Variants in CACNG2 observed in about 807,000 individuals in gnomAD.
The protein encoded by CACNG2 is calcium voltage-gated channel auxiliary subunit gamma 2.
Under a neutral mutation model 25.9 loss-of-function variants are expected in CACNG2, and 3 were observed. The observed-to-expected ratio is 0.12, with a 90% CI of 0.05 to 0.30. CACNG2 has a LOEUF of 0.30. CACNG2 is among the 10% of genes least tolerant of loss of function. The probability of loss-of-function intolerance (pLI) is 1.00; values close to 1 mark genes in which losing one functional copy is unlikely to be tolerated. For missense variants in CACNG2, 341 were observed against 432.5 expected (o/e 0.79, Z 1.88); for synonymous variants, 167 against 173.3 (o/e 0.96, Z 0.29).
chr22:36,656,000 G>A (rs1333198167), intron 1 of CACNG2, among the ~76,000 whole-genome samples: 2 of 151,980 alleles, frequency 1.3e-5, no homozygotes, highest in Non-Finnish European at 2.9e-5. Flanking sequence ...TAGAGACAGG[G>A]TTTCACCATG....
chr22:36,678,776 A>G (rs1937048579), intron 1 of CACNG2, among the ~76,000 whole-genome samples: 1 of 151,786 alleles, frequency 6.6e-6, no homozygotes. Context: ...CCCCTTCTCT[A>G]AAAACACCAA....
At chr22:36,586,248 C>A (rs1935500604) in intron 2 of CACNG2, among the ~76,000 whole-genome samples, 1 of 152,234 alleles carries the variant, frequency 6.6e-6, no homozygotes, top group Admixed American at 6.5e-5. Flanking sequence ...GGAGCTCAAC[C>A]CACGTTTACC....
intron 1 of CACNG2, among the ~76,000 whole-genome samples, chr22:36,602,316 G>A (rs2145932751): frequency 6.6e-6 from 1 of 151,912 alleles, no homozygotes; most frequent in Non-Finnish European, 1.5e-5. Flanking sequence ...TCTGTACATT[G>A]CCCTTTCATT....
intron 2 of CACNG2, among the ~76,000 whole-genome samples, chr22:36,581,456 G>A (rs1935417789): frequency 6.6e-6 from 1 of 152,194 alleles, no homozygotes; most frequent in African/African-American, 2.4e-5. Context: ...TGGCCTGCTG[G>A]CTTGAGCGCG....
At chr22:36,673,718 C>G (rs1330142106) in intron 1 of CACNG2, among the ~76,000 whole-genome samples, 1 of 152,094 alleles carries the variant, frequency 6.6e-6, no homozygotes, top group East Asian at 1.9e-4. Context: ...GGGGCTTCGG[C>G]CTCTCTCTTC....
intron 2 of CACNG2, among the ~76,000 whole-genome samples, chr22:36,568,665 A>G (rs989426076): frequency 7.2e-5 from 11 of 152,126 alleles, no homozygotes; most frequent in Non-Finnish European, 1.6e-4. Flanking sequence ...TCGGCCTCCC[A>G]AAGTGCTGGG....
At chr22:36,694,446 AT>A in intron 1 of CACNG2, among the ~76,000 whole-genome samples, 1 of 152,330 alleles carries the variant, frequency 6.6e-6, no homozygotes. Flanking sequence ...AGTGACATGC[AT>A]TTCCTGGCAT....
chr22:36,702,120 T>C (rs760460462), intron 1 of CACNG2, among the ~76,000 whole-genome samples: 7 of 151,988 alleles, frequency 4.6e-5, no homozygotes, highest in Non-Finnish European at 1.0e-4. Context: ...CACCATGTCA[T>C]AGATTATTCC....
chr22:36,669,508 CAAAAAAAAAAAAA>C (rs1157379465), intron 1 of CACNG2, among the ~76,000 whole-genome samples: 9 of 61,638 alleles, frequency 1.5e-4, no homozygotes, highest in Admixed American at 6.9e-4. Context: ...ACTCTATCTC[CAAAAAAAAAAAAA>C]AAAAAAAAAA....
chr22:36,646,508 GT>G (rs1936526507), intron 1 of CACNG2, among the ~76,000 whole-genome samples: 1 of 152,074 alleles, frequency 6.6e-6, no homozygotes, highest in African/African-American at 2.4e-5. Flanking sequence ...AGTTACATTT[GT>G]TTTTTAAAAT....
At chr22:36,692,239 G>A (rs995060570) in intron 1 of CACNG2, among the ~76,000 whole-genome samples, 1 of 152,186 alleles carries the variant, frequency 6.6e-6, no homozygotes, top group Non-Finnish European at 1.5e-5. Context: ...CCATGCACCT[G>A]GGATCTTGTA....
rs771893977 is a variant in CACNG2, at chr22:36,606,194, G to A, written c.212-18646C>T. On this transcript the variant is annotated intron_variant, in intron 1 of 3. Transcript: ENST00000300105. The surrounding 1 kb of genome is among the most constrained non-coding windows in gnomAD (Gnocchi z 5.7). ...AGGGATCAATACAGACGGATTCCCC[G>A]TCCCCCAGAGCTGAGTCTTGAGAGG... Among the ~76,000 whole-genome samples, 30 of 152,148 alleles carry A rather than the reference G, an allele frequency of 2.0e-4. No individual in the cohort carries two copies. The highest frequency in any genetic ancestry group is 5.8e-4 in the East Asian group (3 of 5,198).
intron 2 of CACNG2, among the ~76,000 whole-genome samples, chr22:36,571,731 G>T (rs1935228567): frequency 6.6e-6 from 1 of 151,784 alleles, no homozygotes; most frequent in Admixed American, 6.6e-5. Context: ...AAAAAAATTA[G>T]CTGGGCATGG....
chr22:36,614,866 T>C (rs1382145777), intron 1 of CACNG2, among the ~76,000 whole-genome samples: 1 of 152,240 alleles, frequency 6.6e-6, no homozygotes, highest in East Asian at 1.9e-4. Context: ...TAATGGCTTA[T>C]GTCCGTGGAC....
At position 36,564,078 on chromosome 22, in the gene CACNG2, T is replaced by G; in HGVS notation, c.*273A>C. 1 of 322,714 alleles carries G rather than the reference T, an allele frequency of 3.1e-6. No homozygotes were observed. The highest frequency in any genetic ancestry group is 5.6e-6 in the Non-Finnish European group (1 of 178,656). 20.0% of individuals were successfully genotyped at this position (322,714 alleles called of 1,614,324 possible). On this transcript the variant is annotated 3_prime_UTR_variant, in exon 4 of 4. Coordinates refer to ENST00000300105, the MANE Select transcript of CACNG2 (RefSeq NM_006078.5). The surrounding 1 kb of genome is among the most constrained non-coding windows in gnomAD (Gnocchi z 6.7). ...TATCCCTCTCGCTTTTTTTTAAAGT[T>G]TGTTTTCTTCCCTCGTTTATATTTT...
chr22:36,657,184 G>A (rs1206383849), intron 1 of CACNG2, among the ~76,000 whole-genome samples: 1 of 152,220 alleles, frequency 6.6e-6, no homozygotes, highest in Non-Finnish European at 1.5e-5. Context: ...TGGATGAGAT[G>A]TCTGCATCTT....
chr22:36,692,527 G>A (rs1937278964), intron 1 of CACNG2, among the ~76,000 whole-genome samples: 1 of 152,224 alleles, frequency 6.6e-6, no homozygotes, highest in Non-Finnish European at 1.5e-5. Flanking sequence ...GGTTGCAGGG[G>A]AAACACCTGC....
intron 2 of CACNG2, among the ~76,000 whole-genome samples, chr22:36,573,520 C>T (rs1309348949): frequency 2.6e-5 from 4 of 152,072 alleles, no homozygotes; most frequent in East Asian, 3.9e-4. Context: ...TTAGTAGAGA[C>T]GGGGTTTCAC....
At chr22:36,698,529 A>G (rs1323053400) in intron 1 of CACNG2, among the ~76,000 whole-genome samples, 2 of 152,128 alleles carry the variant, frequency 1.3e-5, no homozygotes, top group African/African-American at 4.8e-5. Flanking sequence ...GGAGCACTGT[A>G]TCACCTCGCA....
Sources: allele counts gnomAD v4.1 joint callset (sites outside exome capture counted in the v4.1 genomes callset), GRCh38; gene constraint gnomAD v4.1.1; non-coding constraint Gnocchi (gnomAD v3.1); transcripts MANE v1.5; gene names NCBI Gene and HGNC (gene_info 2026-07-23, HGNC 2026-07-21).